The following MTAP variants were observed in gnomAD, a reference collection of about 807,000 sequenced individuals.
MTAP encodes S-methyl-5'-thioadenosine phosphorylase.
A neutral mutation model predicts 33.6 loss-of-function variants in MTAP; 33 were observed. The observed-to-expected ratio is 0.98, with a 90% CI of 0.74 to 1.31. The LOEUF is 1.31. Ranked by LOEUF, MTAP falls within the 40% of genes most tolerant of loss-of-function variation. The pLI is 0.00. For missense variants in MTAP, 367 were observed against 360.0 expected, an observed-to-expected ratio of 1.02 and a Z score of -0.16; for synonymous variants, 148 against 125.7, an observed-to-expected ratio of 1.18 and a Z score of -1.19.
At chr9:21,803,147 C>G (rs1386217492) in intron 1 of MTAP, 1 of 422,650 alleles carries the variant, frequency 2.4e-6, no homozygotes, top group Admixed American at 4.5e-5. Context: ...TCCTGAGAAC[C>G]ACTCTTCTTC....
intron 1 of MTAP, among the ~76,000 whole-genome samples, chr9:21,807,486 A>G (rs144716281): frequency 1.3e-5 from 2 of 152,178 alleles, no homozygotes; most frequent in Non-Finnish European, 2.9e-5. Flanking sequence ...TTTGGGCAGG[A>G]CAATTATTTC....
chr9:21,807,568 A>T (rs1279071383), intron 1 of MTAP, among the ~76,000 whole-genome samples: 1 of 152,170 alleles, frequency 6.6e-6, no homozygotes, highest in East Asian at 1.9e-4. Flanking sequence ...AAATGCCAGT[A>T]GCACTCCCCC....
Position 21,865,078 on chromosome 9 carries a change from G to A in MTAP, c.*3064G>A. 2 of 985,414 alleles carry A rather than the reference G, an allele frequency of 2.0e-6. No homozygotes were observed. The highest frequency in any genetic ancestry group is 4.7e-5 in the South Asian group (1 of 21,286). 61.0% of individuals were successfully genotyped at this position (985,414 alleles called of 1,614,324 possible). ...CATTTGCAGAGTCCCTCCTTGATAA[G>A]GTTTGGCGGTGTCCCCACCCAAATC... is the stretch of plus-strand genomic sequence containing the variant. On this transcript the variant is annotated 3_prime_UTR_variant, in exon 8 of 8. Coordinates refer to ENST00000644715, the MANE Select transcript of MTAP (RefSeq NM_002451.4).
At chr9:21,904,243 C>T (rs1347126301) in intron 1 of MTAP, among the ~76,000 whole-genome samples, 1 of 152,208 alleles carries the variant, frequency 6.6e-6, no homozygotes, top group Non-Finnish European at 1.5e-5. Flanking sequence ...CCACGTTCAG[C>T]CGCCTGTGTA....
intron 1 of MTAP, among the ~76,000 whole-genome samples, chr9:21,918,554 T>A (rs1485958201): frequency 1.3e-5 from 2 of 151,292 alleles, no homozygotes; most frequent in African/African-American, 4.9e-5. Flanking sequence ...CTATTGAAAT[T>A]AAAAAAAAAT....
intron 1 of MTAP, 69 bp downstream of exon 1, chr9:21,802,850 C>A: frequency 6.3e-7 from 1 of 1,592,676 alleles, no homozygotes; most frequent in Non-Finnish European, 8.5e-7. Flanking sequence ...CGCCGGGGGA[C>A]CGCGCCTCCG....
chr9:21,886,494 G>A (rs1192773220), intron 1 of MTAP, among the ~76,000 whole-genome samples: 5 of 152,070 alleles, frequency 3.3e-5, no homozygotes, highest in Admixed American at 3.3e-4. Context: ...TGTTGCATTT[G>A]CTTTTGGGTT....
At chr9:21,911,247 A>G (rs1216498140) in intron 1 of MTAP, among the ~76,000 whole-genome samples, 2 of 152,220 alleles carry the variant, frequency 1.3e-5, no homozygotes, top group African/African-American at 4.8e-5. Flanking sequence ...AAGGATATCC[A>G]GGAATTGAAT....
chr9:21,821,271 T>C (rs181835792), intron 4 of MTAP, among the ~76,000 whole-genome samples: 94 of 152,290 alleles, frequency 6.2e-4, no homozygotes, highest in Non-Finnish European at 1.2e-3. Flanking sequence ...TTGTCATAAA[T>C]AGCTCTTATT....
At chr9:21,856,131 AT>A in intron 6 of MTAP, 1 of 983,936 alleles carries the variant, frequency 1.0e-6, no homozygotes, top group African/African-American at 1.7e-5. Flanking sequence ...TCGTCCTGTC[AT>A]TTATCTCATT....
intron 1 of MTAP, among the ~76,000 whole-genome samples, chr9:21,908,451 A>C (rs984859268): frequency 2.0e-5 from 3 of 152,102 alleles, no homozygotes; most frequent in African/African-American, 7.2e-5. Flanking sequence ...TAAATGTGTT[A>C]ATTTCTATGA....
At chr9:21,840,835 G>T (rs7856455) in intron 5 of MTAP, among the ~76,000 whole-genome samples, 15,385 of 152,194 alleles carry the variant, frequency 0.1, 1,147 homozygotes, top group East Asian at 0.21. Flanking sequence ...GGTGGGAAGG[G>T]GTGAGGTCCA....
intron 4 of MTAP, among the ~76,000 whole-genome samples, chr9:21,819,386 C>T (rs1464618186): frequency 1.3e-5 from 2 of 152,056 alleles, no homozygotes; most frequent in South Asian, 2.1e-4. Flanking sequence ...TCAGAACATG[C>T]GGAGTTTGGT....
At chr9:21,912,676 A>G (rs1049345705) in intron 1 of MTAP, among the ~76,000 whole-genome samples, 2 of 152,216 alleles carry the variant, frequency 1.3e-5, no homozygotes, top group African/African-American at 4.8e-5. Flanking sequence ...AGCCAGTATC[A>G]TACTGAATGG....
chr9:21,878,994 G>A (rs1433257624), intron 1 of MTAP, among the ~76,000 whole-genome samples: 1 of 152,172 alleles, frequency 6.6e-6, no homozygotes, highest in Admixed American at 6.5e-5. Flanking sequence ...CAATTTTAGA[G>A]TATTTGCCAT....
chr9:21,827,634 G>A (rs989302292), intron 4 of MTAP, among the ~76,000 whole-genome samples: 4 of 152,218 alleles, frequency 2.6e-5, no homozygotes, highest in African/African-American at 9.6e-5. Context: ...TTCCCTCTAA[G>A]CCATGTGAGA....
At chr9:21,930,971 C>G in intron 1 of MTAP, 1 of 740,584 alleles carries the variant, frequency 1.4e-6, no homozygotes, top group Non-Finnish European at 2.5e-6. Flanking sequence ...CTTCAAAAAT[C>G]TAATAACCCA....
chr9:21,819,137 C>T (rs1042487121), intron 4 of MTAP, among the ~76,000 whole-genome samples: 19 of 144,448 alleles, frequency 1.3e-4, no homozygotes, highest in East Asian at 8.0e-4. Context: ...ACCACATTTT[C>T]TTTTTTTTTT....
chr9:21,811,837 A>C (rs1824357700), intron 1 of MTAP: 3 of 471,982 alleles, frequency 6.4e-6, no homozygotes, highest in South Asian at 4.8e-5. Flanking sequence ...CCTAGATAGC[A>C]GTGTTGTTGC....
Sources: allele counts gnomAD v4.1 joint callset (sites outside exome capture counted in the v4.1 genomes callset), GRCh38; gene constraint gnomAD v4.1.1; transcripts MANE v1.5; gene names NCBI Gene and HGNC (gene_info 2026-07-23, HGNC 2026-07-21).